TAMM41: variants seen among roughly 807,000 people sequenced by gnomAD.
TAMM41 encodes TAM41 mitochondrial translocator assembly and maintenance homolog, also known as phosphatidate cytidylyltransferase, mitochondrial.
TAMM41 carries 36 observed loss-of-function variants against 44.1 expected under a neutral mutation model. That is an observed-to-expected ratio of 0.82 (90% CI 0.63 to 1.08). The LOEUF is 1.08. TAMM41 is among the 50% of genes least tolerant of loss of function. The pLI is 0.00. For synonymous variants in TAMM41, 164 were observed against 153.1 expected (o/e 1.07, Z -0.53); for missense variants, 417 against 404.3 (o/e 1.03, Z -0.27).
At chr3:11,817,121 AC>A in intron 5 of TAMM41, 70 bp downstream of exon 5, 1 of 1,507,152 alleles carries the variant, frequency 6.6e-7, no homozygotes, top group Non-Finnish European at 9.1e-7. Context: ...ATGCTGTTCT[AC>A]CCCTGACTTT....
chr3:11,846,533 T>C lies in TAMM41; in HGVS notation c.104A>G (p.Tyr35Cys). Residue 35 changes from tyrosine to cysteine, a missense_variant, in exon 1 of 8, where the codon TAC becomes TGC. Coordinates refer to ENST00000455809, the MANE Select transcript of TAMM41 (RefSeq NM_001284401.2). ...SLAFVYGSGV[Y>C]RQAGPSSDQK... Reference sequence around the variant, plus strand: ...GTCTGAACTCGGCCCTGCCTGGCGGTACACCCCGGAGCCGTAGACGAAAGC... The same window carrying C: ...GTCTGAACTCGGCCCTGCCTGGCGGCACACCCCGGAGCCGTAGACGAAAGC... The C allele has an allele frequency of 1.2e-6, 2 of 1,614,140 alleles. No individual in the cohort carries two copies. Among genetic ancestry groups the C allele is most frequent in the Non-Finnish European group, 1.7e-6 (2 of 1,180,032 alleles).
chr3:11,745,883 C>T, the TAMM41 span, among the ~76,000 whole-genome samples: 9 of 152,124 alleles, frequency 5.9e-5, no homozygotes, highest in African/African-American at 2.2e-4. Flanking sequence ...TGGTAAACTA[C>T]AGTTAATTAC....
the TAMM41 span, among the ~76,000 whole-genome samples, chr3:11,763,953 C>A: frequency 6.6e-6 from 1 of 152,192 alleles, no homozygotes; most frequent in African/African-American, 2.4e-5. Flanking sequence ...AAAGCATTCG[C>A]AGGTCACTGA....
the TAMM41 span, among the ~76,000 whole-genome samples, chr3:11,739,768 CA>C: frequency 1.1e-4 from 17 of 151,512 alleles, no homozygotes; most frequent in Middle Eastern, 3.4e-3. Context: ...ATGCTCACTG[CA>C]CCAACTCTGG....
intron 2 of TAMM41, among the ~76,000 whole-genome samples, chr3:11,842,395 A>C (rs1191405716): frequency 1.3e-3 from 2 of 1,484 alleles, no homozygotes; most frequent in African/African-American, 3.9e-3. Flanking sequence ...ACTCCATCTC[A>C]AAAAAAAAAA....
In TAMM41 at chr3:11,812,771, C is replaced by T. The variant is rs534547214; in HGVS notation, c.709-3089G>A. On this transcript the variant is annotated intron_variant, in intron 5 of 7. Transcript: ENST00000455809. ...GCTGATACACGTCTCTTAGAGTACC[C>T]CTTGCCCAATTTTGATGGTTAGTGG... 3.9e-5 allele frequency among the ~76,000 whole-genome samples: 6 copies of T among 152,302 alleles called. No individual in the cohort carries two copies. The East Asian group carries it at 7.7e-4, about 20-fold the overall frequency.
At chr3:11,729,008 C>CAAAAAAAAAAAA in the TAMM41 span, among the ~76,000 whole-genome samples, 1 of 116,136 alleles carries the variant, frequency 8.6e-6, no homozygotes, top group African/African-American at 3.3e-5. Context: ...GACTCTGTCT[C>CAAAAAAAAAAAA]AAAAAAAAAA....
At chr3:11,770,517 A>C in the TAMM41 span, among the ~76,000 whole-genome samples, 1 of 152,170 alleles carries the variant, frequency 6.6e-6, no homozygotes. Context: ...GCCATTTAAA[A>C]TGCTCTGCTT....
At chr3:11,803,294 G>C (rs1321299354) in intron 7 of TAMM41, among the ~76,000 whole-genome samples, 1 of 152,138 alleles carries the variant, frequency 6.6e-6, no homozygotes, top group African/African-American at 2.4e-5. Context: ...TGAAGGGGGA[G>C]AATCGCTTGA....
At chr3:11,730,417 CAAAAAA>C in the TAMM41 span, among the ~76,000 whole-genome samples, 1 of 99,236 alleles carries the variant, frequency 1.0e-5, no homozygotes. Context: ...TACTTCATCT[CAAAAAA>C]AAAAAAAAAA....
In TAMM41 at chr3:11,807,873, C is replaced by A. The variant is rs140012847; in HGVS notation, c.897G>T (p.Pro299=). The change falls in exon 7 of 8, where the codon CCG becomes CCT. Residue 299 remains proline (P), a synonymous_variant. Coordinates refer to ENST00000455809, the MANE Select transcript of TAMM41 (RefSeq NM_001284401.2). ...CTTTCGTGCTCTGTCTTATACTAGA[C>A]GGTCTCACGATTGCTGAAAGCCCTG... The part of the protein sequence containing the change: ...VRLGLSAIVR[P]SSIRQSTKGI... The A allele has an allele frequency of 6.5e-7, 1 of 1,532,534 alleles. No homozygotes were observed. The allele number at this position is 1,532,534 out of a possible 1,614,324, so 94.9% of individuals were successfully genotyped here.
At chr3:11,750,540 G>A in the TAMM41 span, among the ~76,000 whole-genome samples, 1 of 151,974 alleles carries the variant, frequency 6.6e-6, no homozygotes, top group African/African-American at 2.4e-5. Context: ...GAACTCCTGG[G>A]CTCAAGCAAT....
chr3:11,778,107 A>G, the TAMM41 span, among the ~76,000 whole-genome samples: 2 of 149,434 alleles, frequency 1.3e-5, no homozygotes, highest in African/African-American at 4.9e-5. Flanking sequence ...TCAGTATTTC[A>G]CTCTTTTTTA....
chr3:11,797,327 C>T (rs1409523120), intron 7 of TAMM41, among the ~76,000 whole-genome samples: 1 of 152,070 alleles, frequency 6.6e-6, no homozygotes, highest in African/African-American at 2.4e-5. Context: ...GAACAGAGAA[C>T]CCGGAAATAA....
At chr3:11,790,027 G>A (rs567243623), downstream of TAMM41, among the ~76,000 whole-genome samples, 179 of 152,262 alleles carry the variant, frequency 1.2e-3, no homozygotes, top group Non-Finnish European at 2.2e-3. Context: ...ACACTTTAGT[G>A]GAGAACAAAG....
the TAMM41 span, among the ~76,000 whole-genome samples, chr3:11,774,980 T>C: frequency 5.3e-5 from 8 of 151,764 alleles, no homozygotes; most frequent in Non-Finnish European, 1.5e-5. Context: ...GTGATTCTCC[T>C]GCCCTCAGCC....
the TAMM41 span, among the ~76,000 whole-genome samples, chr3:11,751,609 G>C: frequency 6.6e-6 from 1 of 152,122 alleles, no homozygotes; most frequent in African/African-American, 2.4e-5. Context: ...CAGAAGACAG[G>C]GCCAACCCTG....
chr3:11,733,339 G>A, the TAMM41 span, among the ~76,000 whole-genome samples: 1 of 152,086 alleles, frequency 6.6e-6, no homozygotes, highest in Non-Finnish European at 1.5e-5. Flanking sequence ...GCTGTGTGGA[G>A]AATAGACTGT....
the TAMM41 span, among the ~76,000 whole-genome samples, chr3:11,769,075 C>T: frequency 6.6e-5 from 10 of 152,052 alleles, no homozygotes; most frequent in African/African-American, 2.2e-4. Context: ...GAGTGGACCA[C>T]GTCATGAAGA....
Sources: allele counts gnomAD v4.1 joint callset (sites outside exome capture counted in the v4.1 genomes callset), GRCh38; gene constraint gnomAD v4.1.1; transcripts MANE v1.5; gene names NCBI Gene and HGNC (gene_info 2026-07-23, HGNC 2026-07-21).